Variants in SLC41A3 observed in about 807,000 individuals in gnomAD.
SLC41A3 encodes SLC41A1-like 2.
Under a neutral mutation model 45.4 loss-of-function variants are expected in SLC41A3, and 44 were observed. That is an observed-to-expected ratio of 0.97 (90% confidence interval 0.76 to 1.25). The LOEUF (loss-of-function observed/expected upper bound fraction) is 1.25, where lower values mean the gene tolerates loss of function less well. Among genes scored for constraint, SLC41A3 ranks in the 50% most tolerant of loss-of-function variants. SLC41A3 has a pLI of 0.00. For missense variants in SLC41A3, 550 were observed against 600.6 expected, an observed-to-expected ratio of 0.92 and a Z score of 0.88; for synonymous variants, 256 against 252.4, an observed-to-expected ratio of 1.01 and a Z score of -0.13.
intron 1 of SLC41A3, among the ~76,000 whole-genome samples, chr3:126,100,220 A>G (rs764280999): frequency 6.6e-6 from 1 of 151,526 alleles, no homozygotes; most frequent in African/African-American, 2.4e-5. Context: ...CCCTCTTGCC[A>G]CGTACCGGGC....
At position 126,059,310 on chromosome 3, in the gene SLC41A3, G is replaced by GAAAGAAAGAAAGAAAGAAAGAAAGAAA. The variant is rs1553740822; in HGVS notation, c.274-8261_274-8260insTTTCTTTCTTTCTTTCTTTCTTTCTTT. On this transcript the variant is annotated intron_variant, in intron 2 of 10. Transcript: ENST00000360370. ...AGAAAGAAAGAAAGAAAGAAAGAAA[G>GAAAGAAAGAAAGAAAGAAAGAAAGAAA]GAAGGATGATCTGTGATAAGTGCTC... 6.8e-5 allele frequency among the ~76,000 whole-genome samples: 6 copies of GAAAGAAAGAAAGAAAGAAAGAAAGAAA among 88,196 alleles called. No individual in the cohort carries two copies. The South Asian group carries it at 1.2e-3, about 18-fold the overall frequency. 57.9% of individuals were successfully genotyped at this position (88,196 alleles called of 152,430 possible).
At chr3:126,015,020 G>A (rs899275859) in intron 8 of SLC41A3, among the ~76,000 whole-genome samples, 8 of 152,240 alleles carry the variant, frequency 5.3e-5, no homozygotes, top group African/African-American at 9.6e-5. Flanking sequence ...GTAGAGACCC[G>A]GTATTTGTTA....
intron 2 of SLC41A3, chr3:126,067,678 C>A: frequency 1.9e-6 from 1 of 538,596 alleles, no homozygotes; most frequent in South Asian, 1.9e-5. Flanking sequence ...TGTTAAACTT[C>A]AAAGTACATC....
At chr3:126,048,088 A>G (rs1429669530) in intron 3 of SLC41A3, among the ~76,000 whole-genome samples, 1 of 152,222 alleles carries the variant, frequency 6.6e-6, no homozygotes, top group African/African-American at 2.4e-5. Context: ...ACAGTTTTCC[A>G]AAGAAGACAT....
At chr3:126,051,668 T>C (rs1406669080) in intron 2 of SLC41A3, among the ~76,000 whole-genome samples, 1 of 152,146 alleles carries the variant, frequency 6.6e-6, no homozygotes. Context: ...AAAACACTTA[T>C]TGGCAGAGGT....
At chr3:126,032,275 T>A (rs1021669590) in intron 4 of SLC41A3, among the ~76,000 whole-genome samples, 1 of 152,166 alleles carries the variant, frequency 6.6e-6, no homozygotes, top group Non-Finnish European at 1.5e-5. Flanking sequence ...AGCTGGAGGA[T>A]TCCTGGCCTG....
chr3:126,063,494 A>C (rs974567310), intron 2 of SLC41A3, among the ~76,000 whole-genome samples: 1 of 152,202 alleles, frequency 6.6e-6, no homozygotes, highest in East Asian at 1.9e-4. Context: ...GTGGCCAAGC[A>C]TCAGGCAATC....
At chr3:126,045,767 G>A (rs1559852127) in intron 3 of SLC41A3, among the ~76,000 whole-genome samples, 1 of 151,692 alleles carries the variant, frequency 6.6e-6, no homozygotes, top group Non-Finnish European at 1.5e-5. Context: ...TTCATCCTAT[G>A]AAACAGTGTT....
At chr3:126,091,098 G>A (rs750562807) in intron 1 of SLC41A3, among the ~76,000 whole-genome samples, 1 of 152,170 alleles carries the variant, frequency 6.6e-6, no homozygotes, top group Non-Finnish European at 1.5e-5. Flanking sequence ...ACTCCAAGGA[G>A]TCCAAGAAGT....
chr3:126,028,348 T>C (rs1941532598), intron 4 of SLC41A3, among the ~76,000 whole-genome samples: 1 of 152,208 alleles, frequency 6.6e-6, no homozygotes, highest in South Asian at 2.1e-4. Context: ...CAAGCTCCAG[T>C]CATGGCTCAA....
intron 1 of SLC41A3, among the ~76,000 whole-genome samples, chr3:126,098,616 A>G (rs183801318): frequency 5.4e-4 from 83 of 152,304 alleles, no homozygotes; most frequent in Middle Eastern, 6.8e-3. Context: ...GGTCTGAGGA[A>G]TAGGGAGGGC....
At chr3:126,013,209 AT>A (rs1334651497) in intron 8 of SLC41A3, among the ~76,000 whole-genome samples, 93 of 146,494 alleles carry the variant, frequency 6.3e-4, no homozygotes, top group South Asian at 2.2e-3. Flanking sequence ...AATGAAAGTG[AT>A]TTTTTTTTTT....
intron 2 of SLC41A3, among the ~76,000 whole-genome samples, chr3:126,052,862 C>G (rs1030895666): frequency 1.3e-5 from 2 of 152,180 alleles, no homozygotes; most frequent in Admixed American, 6.5e-5. Flanking sequence ...TTCCGCAGCT[C>G]GAGTACCCTT....
intron 9 of SLC41A3, among the ~76,000 whole-genome samples, 176 bp downstream of exon 9, chr3:126,012,439 G>A (rs1939812254): frequency 6.6e-6 from 1 of 152,170 alleles, no homozygotes; most frequent in Admixed American, 6.5e-5. Flanking sequence ...ATTGAATGAA[G>A]GAATGAAGGA....
intron 1 of SLC41A3, among the ~76,000 whole-genome samples, chr3:126,068,924 AG>A (rs1261562510): frequency 3.3e-5 from 5 of 152,158 alleles, no homozygotes; most frequent in Non-Finnish European, 2.9e-5. Flanking sequence ...TTGCCCTGGG[AG>A]AAGTTAGTAG....
At chr3:126,081,035 C>G (rs1175406697) in intron 1 of SLC41A3, among the ~76,000 whole-genome samples, 1 of 152,028 alleles carries the variant, frequency 6.6e-6, no homozygotes, top group Non-Finnish European at 1.5e-5. Context: ...GAAAGGAAAC[C>G]AGGATATTGA....
In SLC41A3 at chr3:126,075,260, A is replaced by T. The variant is rs554610981; in HGVS notation, c.-27-7014T>A. ...TGTATCCGGCCAGTTTTATTTTTAT[A>T]CACTAATAATGAATAATCTAAAAGT... On this transcript the variant is annotated intron_variant, in intron 1 of 10. Coordinates refer to ENST00000360370, the MANE Select transcript of SLC41A3 (RefSeq NM_017836.4). Among the ~76,000 whole-genome samples the T allele has an allele frequency of 4.3e-4, 66 of 152,282 alleles. No homozygotes were observed. In the South Asian group the frequency reaches 0.011, roughly 25 times the overall value.
intron 8 of SLC41A3, 38 bp from the exon 9 acceptor site, chr3:126,012,787 C>T (rs753139039): frequency 3.5e-5 from 56 of 1,611,876 alleles, no homozygotes; most frequent in African/African-American, 2.1e-4. Context: ...CCTTTCTTTA[C>T]GCCAGTCTCT....
intron 3 of SLC41A3, among the ~76,000 whole-genome samples, chr3:126,044,874 C>T (rs1263755563): frequency 4.9e-5 from 6 of 121,726 alleles, no homozygotes; most frequent in African/African-American, 6.9e-5. Flanking sequence ...CCAGCCTGGG[C>T]GACAGAGCGA....
Sources: gnomAD v4.1 joint callset for allele counts (sites outside exome capture counted in the v4.1 genomes callset) on GRCh38, gnomAD v4.1.1 for gene constraint, MANE v1.5 for transcripts, NCBI Gene and HGNC (gene_info 2026-07-23, HGNC 2026-07-21) for gene names.